RNF213: variants seen among roughly 807,000 people sequenced by gnomAD.
RNF213 encodes E3 ubiquitin-protein ligase RNF213.
RNF213 carries 341 observed loss-of-function variants against 514.4 expected under a neutral mutation model. The ratio of observed to expected loss-of-function variants is 0.66; its 90% confidence interval spans 0.61 to 0.73. The LOEUF is 0.73. Ranked by LOEUF, RNF213 falls within the 30% of genes least tolerant of loss-of-function variation. RNF213 has a pLI of 0.00. For missense variants in RNF213, 5,767 were observed against 6,615.6 expected (o/e 0.87, Z 4.45); for synonymous variants, 2,655 against 2,658.2 (o/e 1.00, Z 0.04).
intron 67 of RNF213, among the ~76,000 whole-genome samples, chr17:80,392,701 T>G (rs1389064908): frequency 6.6e-6 from 1 of 151,128 alleles, no homozygotes. Flanking sequence ...GTGATTTTCC[T>G]GCCTCAGCCT....
chr17:80,332,563 A>G lies in RNF213; in HGVS notation c.4075A>G (p.Ile1359Val), dbSNP rs1030084390. ...LHQAVHAAKV[I>V]LQVKESLGLN... ...CCAGGCTGTCCACGCAGCCAAGGTC[A>G]TCTTGCAGGTCAAAGAGAGCCTGGG... Residue 1359 changes from isoleucine (I) to valine (V), a missense_variant, in exon 21 of 68, where the codon ATC (isoleucine) becomes GTC (valine). By Grantham distance (29) the Ile-to-Val change is conservative (BLOSUM62 3). Transcript: ENST00000582970. 6.5e-7 allele frequency: 1 copy of G among 1,534,446 alleles called. No individual in the cohort carries two copies. Among genetic ancestry groups the G allele is most frequent in the Non-Finnish European group, 8.7e-7 (1 of 1,144,936 alleles).
Position 80,372,702 on chromosome 17 carries a change from C to T in RNF213, c.12719C>T (p.Ala4240Val), listed in dbSNP as rs769113501. Reference protein sequence around the residue: ...ARIRLCLDRAADFLSEPEGGP... With the variant: ...ARIRLCLDRAVDFLSEPEGGP... Reference sequence around the variant, plus strand: ...ATCCGCCTCTGCCTCGACAGAGCTGCAGATTTCCTCTCGGAGCCTGAGGGA... The same window carrying T: ...ATCCGCCTCTGCCTCGACAGAGCTGTAGATTTCCTCTCGGAGCCTGAGGGA... The change falls in exon 48 of 68, where the codon GCA becomes GTA. Residue 4240 changes from alanine to valine, a missense_variant. By Grantham distance (64) the Ala-to-Val change is moderately conservative (BLOSUM62 0). Transcript: ENST00000582970. 1 of 1,613,854 alleles carries T rather than the reference C, an allele frequency of 6.2e-7. No individual in the cohort carries two copies. The highest frequency in any genetic ancestry group is 8.5e-7 in the Non-Finnish European group (1 of 1,180,044).
chr17:80,328,426 T>G lies in RNF213; in HGVS notation c.3466T>G (p.Cys1156Gly). ...ELLLLKKEKR[C>G]VDSLLKMCGN... ...GTTACTTCTAAAGAAAGAGAAAAGA[T>G]GTGTTGATAGTCTCCTGAAGATGTG... The change falls in exon 20 of 68, where the codon TGT (cysteine) becomes GGT (glycine). Residue 1156 changes from cysteine to glycine, a missense_variant. Physicochemically the swap from Cys to Gly is radical, Grantham distance 159 (BLOSUM62 -3). Around this residue, in one of 13 missense-constraint regions of RNF213, gnomAD observed 516 missense variants for 566.5 expected, o/e 0.91. Coordinates refer to ENST00000582970, the MANE Select transcript of RNF213 (RefSeq NM_001256071.3). The G allele has an allele frequency of 6.5e-7, 1 of 1,537,224 alleles. No homozygotes were observed. Among genetic ancestry groups the G allele is most frequent in the East Asian group, 2.4e-5 (1 of 40,914 alleles).
chr17:80,290,633 A>G lies in RNF213; in HGVS notation c.1176A>G (p.Pro392=), dbSNP rs564100616. ...FFHAIISLHF[P]FNPDLHKVFI... is the part of the protein sequence containing the mutation. Reference sequence around the variant, plus strand: ...ACGCCATCATCTCTCTTCATTTCCCATTCAATCCTGACCTCCATAAAGTCT... The same window carrying G: ...ACGCCATCATCTCTCTTCATTTCCCGTTCAATCCTGACCTCCATAAAGTCT... Residue 392 remains proline, a synonymous_variant, in exon 7 of 68, where the codon CCA becomes CCG. Coordinates refer to ENST00000582970, the MANE Select transcript of RNF213 (RefSeq NM_001256071.3). 1.2e-6 allele frequency: 2 copies of G among 1,614,060 alleles called. No individual in the cohort carries two copies. Among genetic ancestry groups the G allele is most frequent in the African/African-American group, 1.3e-5 (1 of 74,976 alleles).
chr17:80,275,617 C>T (rs1223986822), intron 3 of RNF213, among the ~76,000 whole-genome samples: 3 of 152,032 alleles, frequency 2.0e-5, no homozygotes, highest in Non-Finnish European at 2.9e-5. Context: ...TGTCCCAACT[C>T]AGGGCCAGTC....
chr17:80,309,213 T>G (rs1204007083), intron 14 of RNF213, 42 bp downstream of exon 14: 5 of 1,612,486 alleles, frequency 3.1e-6, no homozygotes, highest in Non-Finnish European at 4.2e-6. Flanking sequence ...CCGGGATAGG[T>G]GCGGAATTTC....
intron 3 of RNF213, among the ~76,000 whole-genome samples, chr17:80,275,000 G>C (rs571005577): frequency 4.1e-4 from 46 of 111,526 alleles, no homozygotes; most frequent in African/African-American, 1.7e-3. Flanking sequence ...TGTATGTGTT[G>C]GGGTATGTGA....
Position 80,347,997 on chromosome 17 carries a change from A to G in RNF213, c.9662A>G (p.Tyr3221Cys). The change falls in exon 29 of 68, where the codon TAC (tyrosine) becomes TGC (cysteine). Residue 3221 changes from tyrosine to cysteine, a missense_variant. Transcript: ENST00000582970. This position sits in a 1 kb window ranked among gnomAD's most constrained non-coding sequence, Gnocchi z 7.2. The part of the protein sequence containing the change: ...KYSPSDVFIG[Y>C]HSDACASVVL... ...AGCCCCTCTGACGTCTTCATCGGCT[A>G]CCACTCGGACGCCTGCGCGTCTGTG... 1 of 1,614,232 alleles carries G rather than the reference A, an allele frequency of 6.2e-7. No individual in the cohort carries two copies. The highest frequency in any genetic ancestry group is 8.5e-7 in the Non-Finnish European group (1 of 1,180,026).
intron 6 of RNF213, 71 bp from the exon 7 acceptor site, chr17:80,290,499 G>GTGTGTGTGCGCACGTGTGTGTGTGCA: frequency 6.3e-7 from 1 of 1,575,868 alleles, no homozygotes; most frequent in Non-Finnish European, 8.7e-7. Flanking sequence ...GTGTGTGTGC[G>GTGTGTGTGCGCACGTGTGTGTGTGCA]CGTGTGTGCA....
At chr17:80,309,437 C>G (rs1029941555) in intron 14 of RNF213, among the ~76,000 whole-genome samples, 3 of 152,176 alleles carry the variant, frequency 2.0e-5, no homozygotes, top group Non-Finnish European at 4.4e-5. Context: ...ATCAGCTGGT[C>G]ATGGGGAAAC....
chr17:80,311,879 C>A (rs1270925583), intron 14 of RNF213, among the ~76,000 whole-genome samples: 1 of 152,204 alleles, frequency 6.6e-6, no homozygotes, highest in East Asian at 1.9e-4. Context: ...GTAATCCCAG[C>A]ACTTTGGAAG....
rs778323206 is a variant in RNF213 at position 80,343,683 on chromosome 17, T to C, written c.6184-174T>C. On this transcript the variant is annotated intron_variant, in intron 27 of 67. Coordinates refer to ENST00000582970, the MANE Select transcript of RNF213 (RefSeq NM_001256071.3). This position sits in a 1 kb window ranked among gnomAD's most constrained non-coding sequence, Gnocchi z 4.3. ...AACATAAAAATGGTACAGGGAAATATAGTATTAGGATTTTATGGGGCTGCC... is the reference window on the plus strand; with the variant it reads ...AACATAAAAATGGTACAGGGAAATACAGTATTAGGATTTTATGGGGCTGCC... Among the ~76,000 whole-genome samples the C allele has an allele frequency of 4.6e-5, 7 of 152,116 alleles. No homozygotes were observed. Among genetic ancestry groups the C allele is most frequent in the Admixed American group, 6.5e-5 (1 of 15,278 alleles).
chr17:80,308,297 T>C (rs1048627876), intron 13 of RNF213, among the ~76,000 whole-genome samples: 1 of 152,018 alleles, frequency 6.6e-6, no homozygotes, highest in Non-Finnish European at 1.5e-5. Context: ...TCCCCACCAC[T>C]GTGTGTCACA....
chr17:80,305,235 A>G (rs528168589), intron 11 of RNF213, among the ~76,000 whole-genome samples: 2 of 142,366 alleles, frequency 1.4e-5, no homozygotes, highest in South Asian at 4.3e-4. Context: ...CTGGAGTACA[A>G]TGGCACGATC....
rs1017631860 is a variant in RNF213, at chr17:80,373,128, A to C, written c.12905A>C (p.His4302Pro). ...VQGLSKPGRP[H>P]QWVFPKDVVK... is the part of the protein sequence containing the mutation. ...GGCCTCTCCAAGCCCGGCCGCCCGC[A>C]CCAGTGGGTGTTTCCCAAGGACGTT... Residue 4302 changes from histidine (H) to proline (P), a missense_variant, in exon 49 of 68, where the codon CAC becomes CCC. Around this residue, in one of 13 missense-constraint regions of RNF213, gnomAD observed 1,245 missense variants for 1,339.0 expected, o/e 0.93. Coordinates refer to ENST00000582970, the MANE Select transcript of RNF213 (RefSeq NM_001256071.3). 5.6e-6 allele frequency: 9 copies of C among 1,612,950 alleles called. No individual in the cohort carries two copies. The highest frequency in any genetic ancestry group is 6.8e-6 in the Non-Finnish European group (8 of 1,179,948).
In RNF213 at chr17:80,345,120, T is replaced by G; in HGVS notation, c.6785T>G (p.Phe2262Cys). ...TTCATGATCTTTATGGCAAGAGATT[T>G]TGCCACACCATCACTCCACACCTCT... ...VTFMIFMARDFATPSLHTSDQ... is the reference protein window; with the variant it reads ...VTFMIFMARDCATPSLHTSDQ... The change falls in exon 29 of 68, where the codon TTT becomes TGT. Residue 2262 changes from phenylalanine to cysteine, a missense_variant. By Grantham distance (205) the Phe-to-Cys change is radical. This residue lies in a region of RNF213 where 1,377 missense variants were observed against 1,635.2 expected (regional missense o/e 0.84). Transcript: ENST00000582970. The surrounding 1 kb of genome is among the most constrained non-coding windows in gnomAD (Gnocchi z 6.0). The G allele has an allele frequency of 6.2e-7, 1 of 1,614,080 alleles. No individual in the cohort carries two copies. The highest frequency in any genetic ancestry group is 8.5e-7 in the Non-Finnish European group (1 of 1,180,004).
chr17:80,336,824 C>A (rs1473480493), intron 23 of RNF213: 1 of 321,366 alleles, frequency 3.1e-6, no homozygotes, highest in Non-Finnish European at 6.1e-6. Flanking sequence ...TTGCTTGAAC[C>A]CGGGAGGCAG....
intron 39 of RNF213, among the ~76,000 whole-genome samples, chr17:80,362,217 T>TTAGTTAC: frequency 6.6e-6 from 1 of 152,128 alleles, no homozygotes; most frequent in Admixed American, 6.5e-5. Context: ...CCCTACAGGG[T>TTAGTTAC]AAGAATAAAC....
chr17:80,283,336 A>C (rs115976016), intron 3 of RNF213, among the ~76,000 whole-genome samples: 1,579 of 152,226 alleles, frequency 0.01, 31 homozygotes, highest in African/African-American at 0.036. Flanking sequence ...TCAGCCCTGC[A>C]GGTGTGATGA....
Sources: gnomAD v4.1 joint callset for allele counts (sites outside exome capture counted in the v4.1 genomes callset) on GRCh38, gnomAD v4.1.1 for gene constraint, gnomAD v4.1.1 regional missense constraint, Gnocchi (gnomAD v3.1) non-coding constraint, MANE v1.5 for transcripts, NCBI Gene and HGNC (gene_info 2026-07-23, HGNC 2026-07-21) for gene names.